Variants in CACNA2D4 observed in about 807,000 individuals in gnomAD.
CACNA2D4 encodes calcium voltage-gated channel auxiliary subunit alpha2delta 4.
In CACNA2D4, 157 loss-of-function variants were observed where a neutral mutation model predicts 163.8. That is an observed-to-expected ratio of 0.96 (90% CI 0.84 to 1.09). CACNA2D4 has a LOEUF of 1.09. CACNA2D4 is among the 50% of genes least tolerant of loss of function. The probability of loss-of-function intolerance (pLI) is 0.00; values close to 1 mark genes in which losing one functional copy is unlikely to be tolerated. For missense variants in CACNA2D4, 1,410 were observed against 1,479.9 expected (o/e 0.95, Z 0.78); for synonymous variants, 598 against 586.9 (o/e 1.02, Z -0.27).
chr12:1,855,897 C>T (rs763100407), intron 22 of CACNA2D4, 115 bp downstream of exon 22: 8 of 731,076 alleles, frequency 1.1e-5, no homozygotes, highest in Non-Finnish European at 1.9e-5. Context: ...CATCCATGTG[C>T]TAATGGGATA....
At chr12:1,838,068 G>T (rs2154447532) in intron 26 of CACNA2D4, among the ~76,000 whole-genome samples, 1 of 152,294 alleles carries the variant, frequency 6.6e-6, no homozygotes, top group African/African-American at 2.4e-5. Context: ...GCCCCATCCT[G>T]GAGCTTGACC....
intron 29 of CACNA2D4, chr12:1,809,358 G>A: frequency 1.7e-6 from 1 of 605,102 alleles, no homozygotes. Flanking sequence ...CCAGCCCCCG[G>A]CGAGACACAG....
At chr12:1,871,635 G>A (rs1484600140) in intron 18 of CACNA2D4, among the ~76,000 whole-genome samples, 7 of 151,318 alleles carry the variant, frequency 4.6e-5, no homozygotes, top group East Asian at 2.0e-4. Flanking sequence ...GTGTACACGC[G>A]TGTTACTGGT....
intron 27 of CACNA2D4, among the ~76,000 whole-genome samples, chr12:1,811,288 A>G (rs1362278684): frequency 1.3e-5 from 2 of 152,208 alleles, no homozygotes; most frequent in Non-Finnish European, 2.9e-5. Flanking sequence ...GGCCAGGCAG[A>G]GCTGGGAATT....
chr12:1,908,129 AGGG>A, intron 4 of CACNA2D4, 92 bp from the exon 5 acceptor site: 1 of 1,329,200 alleles, frequency 7.5e-7, no homozygotes. Context: ...AGAGGACGAG[AGGG>A]CCGGGGCCGG....
At chr12:1,816,295 C>G (rs112988552) in intron 26 of CACNA2D4, among the ~76,000 whole-genome samples, 1 of 152,230 alleles carries the variant, frequency 6.6e-6, no homozygotes, top group African/African-American at 2.4e-5. Context: ...GCAAAGCACT[C>G]GGCTTTTCCT....
chr12:1,861,443 ACT>A (rs201856887), intron 18 of CACNA2D4, among the ~76,000 whole-genome samples: 2,983 of 134,252 alleles, frequency 0.022, 93 homozygotes, highest in African/African-American at 0.078. Context: ...TTTTATTTTT[ACT>A]CTTTTTTTTT....
rs777008446 is a variant in CACNA2D4, at chr12:1,795,766, T to C, written c.3128A>G (p.Gln1043Arg). 2 of 1,610,536 alleles carry C rather than the reference T, an allele frequency of 1.2e-6. No individual in the cohort carries two copies. The highest frequency in any genetic ancestry group is 3.3e-5 in the Admixed American group (2 of 60,016). Residue 1043 changes from glutamine to arginine, a missense_variant, in exon 36 of 38, where the codon CAG becomes CGG. Gln to Arg is a conservative substitution (Grantham distance 43, BLOSUM62 1). Coordinates refer to ENST00000382722, the MANE Select transcript of CACNA2D4 (RefSeq NM_172364.5). ...GAGGAGGTTACTGTTGGGAATCTGC[T>C]GCACCACAAATACCCTGCAGCAAAG... Reference protein sequence around the residue: ...CGPCQKVFVVQQIPNSNLLLL... With the variant: ...CGPCQKVFVVRQIPNSNLLLL...
chr12:1,800,320 A>AG, intron 32 of CACNA2D4, 66 bp downstream of exon 32: 3 of 1,549,394 alleles, frequency 1.9e-6, no homozygotes, highest in Admixed American at 3.3e-5. Flanking sequence ...CCTCCTGCTC[A>AG]AGGACACCCT....
chr12:1,817,984 A>C (rs1231931146), intron 26 of CACNA2D4, among the ~76,000 whole-genome samples: 1 of 134,238 alleles, frequency 7.4e-6, no homozygotes, highest in Admixed American at 7.6e-5. Flanking sequence ...CTGGCTGCCC[A>C]GTCTGGGAAG....
rs1402732841 is a variant in CACNA2D4, at chr12:1,844,786, CTT to C, written c.2343-259_2343-258del. On this transcript the variant is annotated intron_variant, in intron 24 of 37. Transcript: ENST00000382722. This position sits in a 1 kb window ranked among gnomAD's most constrained non-coding sequence, Gnocchi z 4.2. Reference sequence around the variant, plus strand: ...GATACTTTCCATTTTTATGTAAACTCTTTTGCCTGCAGGGATTCTTTCTTTTG... The same window carrying C: ...GATACTTTCCATTTTTATGTAAACTCTTGCCTGCAGGGATTCTTTCTTTTG... 5.3e-5 allele frequency among the ~76,000 whole-genome samples: 8 copies of C among 152,102 alleles called. No individual in the cohort carries two copies. The highest frequency in any genetic ancestry group is 8.8e-5 in the Non-Finnish European group (6 of 68,032).
chr12:1,910,166 T>C (rs1214097886), intron 3 of CACNA2D4, among the ~76,000 whole-genome samples: 1 of 152,186 alleles, frequency 6.6e-6, no homozygotes, highest in Non-Finnish European at 1.5e-5. Context: ...GGCACACACA[T>C]ATGGCTAAGT....
In CACNA2D4 at chr12:1,828,168, G is replaced by A. The variant is rs1864437983; in HGVS notation, c.2551+12571C>T. On this transcript the variant is annotated intron_variant, in intron 26 of 37. Coordinates refer to ENST00000382722, the MANE Select transcript of CACNA2D4 (RefSeq NM_172364.5). The surrounding 1 kb of genome is among the most constrained non-coding windows in gnomAD (Gnocchi z 4.2). ...CTCACCATGCTGGCGCCGGGCAGCAGCCCTGGGCAGAGGGGCAGGCTCGCC... is the reference window on the plus strand; with the variant it reads ...CTCACCATGCTGGCGCCGGGCAGCAACCCTGGGCAGAGGGGCAGGCTCGCC... The A allele has an allele frequency of 1.9e-6, 3 of 1,545,982 alleles. No individual in the cohort carries two copies. In the East Asian group the frequency reaches 7.4e-5, roughly 38 times the overall value.
chr12:1,863,215 T>C (rs2154448684), intron 18 of CACNA2D4, among the ~76,000 whole-genome samples: 1 of 152,364 alleles, frequency 6.6e-6, no homozygotes, highest in African/African-American at 2.4e-5. Context: ...CCAAGGTGTC[T>C]TGATTGAAAA....
intron 31 of CACNA2D4, 129 bp from the exon 32 acceptor site, chr12:1,800,567 G>C (rs1010140678): frequency 1.1e-6 from 1 of 891,800 alleles, no homozygotes; most frequent in African/African-American, 1.6e-5. Context: ...AGGGGCAGCA[G>C]AGCACAGGCC....
intron 26 of CACNA2D4, among the ~76,000 whole-genome samples, chr12:1,838,775 G>C (rs989921594): frequency 6.6e-6 from 1 of 152,180 alleles, no homozygotes; most frequent in African/African-American, 2.4e-5. Context: ...CAGGTGTACA[G>C]GAGCTGAGAA....
chr12:1,820,246 C>CGGCGGGGCGGGGGGGGG lies in CACNA2D4; in HGVS notation c.2552-8524_2552-8523insCCCCCCCCCGCCCCGCC, dbSNP rs1555176997. ...GAGAGGCACAGAAGACAGGTGCAGC[C>CGGCGGGGCGGGGGGGGG]GGGGGGGTGAGGGAGAGCCTGGAGG... On this transcript the variant is annotated intron_variant, in intron 26 of 37. Coordinates refer to ENST00000382722, the MANE Select transcript of CACNA2D4 (RefSeq NM_172364.5). The surrounding 1 kb of genome is among the most constrained non-coding windows in gnomAD (Gnocchi z 6.0). The CGGCGGGGCGGGGGGGGG allele has an allele frequency of 2.6e-5, 4 of 150,980 alleles. No homozygotes were observed. The highest frequency in any genetic ancestry group is 7.4e-5 in the African/African-American group (3 of 40,342). The allele number at this position is 150,980 out of a possible 1,614,324, so 9.4% of individuals were successfully genotyped here.
intron 27 of CACNA2D4, 77 bp downstream of exon 27, chr12:1,811,585 G>T: frequency 7.0e-7 from 1 of 1,424,746 alleles, no homozygotes; most frequent in South Asian, 1.2e-5. Context: ...GAGCATCCAA[G>T]GGGAGGGAGA....
intron 26 of CACNA2D4, among the ~76,000 whole-genome samples, chr12:1,826,330 C>T (rs184575474): frequency 2.7e-5 from 4 of 150,022 alleles, no homozygotes; most frequent in East Asian, 3.9e-4. Flanking sequence ...CATTTCTAGA[C>T]AGAAAGAAGC....
Sources: allele counts gnomAD v4.1 joint callset (sites outside exome capture counted in the v4.1 genomes callset), GRCh38; gene constraint gnomAD v4.1.1; non-coding constraint Gnocchi (gnomAD v3.1); transcripts MANE v1.5; gene names NCBI Gene and HGNC (gene_info 2026-07-23, HGNC 2026-07-21).